METTL16: variants seen among roughly 807,000 people sequenced by gnomAD.
The protein encoded by METTL16 is methyltransferase 16, RNA N6-adenosine.
Under a neutral mutation model 57.9 loss-of-function variants are expected in METTL16, and 19 were observed. The observed-to-expected ratio is 0.33, with a 90% CI of 0.23 to 0.48. The LOEUF is 0.48. Ranked by LOEUF, METTL16 falls within the 20% of genes least tolerant of loss-of-function variation. The probability of loss-of-function intolerance (pLI) is 0.99; values close to 1 mark genes in which losing one functional copy is unlikely to be tolerated. For synonymous variants in METTL16, 246 were observed against 255.6 expected (o/e 0.96, Z 0.36); for missense variants, 434 against 691.5 (o/e 0.63, Z 4.18).
chr17:2,477,485 T>C (rs571257205), intron 3 of METTL16: 31 of 569,390 alleles, frequency 5.4e-5, no homozygotes, highest in Non-Finnish European at 8.8e-5. Flanking sequence ...CCAACGCACA[T>C]TGCCTTTGAG....
chr17:2,435,670 T>C (rs1352796055), intron 8 of METTL16, among the ~76,000 whole-genome samples: 2 of 148,796 alleles, frequency 1.3e-5, no homozygotes, highest in Admixed American at 1.3e-4. Flanking sequence ...GCTGGGGTAG[T>C]GGTGGGGAGG....
chr17:2,467,647 C>A, intron 5 of METTL16, 114 bp downstream of exon 5: 1 of 716,480 alleles, frequency 1.4e-6, no homozygotes. Flanking sequence ...AGGCTGGTCT[C>A]AAACTCCTGA....
chr17:2,454,993 T>C (rs2067099196), intron 6 of METTL16, among the ~76,000 whole-genome samples: 1 of 151,950 alleles, frequency 6.6e-6, no homozygotes, highest in Admixed American at 6.6e-5. Flanking sequence ...CAATCTTGGT[T>C]CACTGCAACC....
At chr17:2,422,519 A>G (rs1221567085) in intron 8 of METTL16, among the ~76,000 whole-genome samples, 1 of 151,810 alleles carries the variant, frequency 6.6e-6, no homozygotes, top group African/African-American at 2.4e-5. Flanking sequence ...ACCTGGGACT[A>G]CGTCACCAAG....
At chr17:2,422,099 G>C (rs1016483139) in intron 8 of METTL16, among the ~76,000 whole-genome samples, 27 of 152,098 alleles carry the variant, frequency 1.8e-4, no homozygotes, top group South Asian at 1.2e-3. Context: ...ATCACTTGAG[G>C]TCAGGAGTTC....
intron 6 of METTL16, among the ~76,000 whole-genome samples, chr17:2,446,161 C>T (rs1161552172): frequency 2.6e-5 from 4 of 152,076 alleles, no homozygotes; most frequent in Non-Finnish European, 5.9e-5. Context: ...ACAAACAAAA[C>T]CCCCAAACCA....
chr17:2,426,994 A>AT (rs1491373682), intron 8 of METTL16, among the ~76,000 whole-genome samples: 1 of 138,744 alleles, frequency 7.2e-6, no homozygotes, highest in Non-Finnish European at 1.6e-5. Context: ...AAAAAAAAAA[A>AT]GAGCCGGGCA....
chr17:2,488,058 A>G (rs2067356870), intron 2 of METTL16, among the ~76,000 whole-genome samples: 1 of 152,014 alleles, frequency 6.6e-6, no homozygotes, highest in Non-Finnish European at 1.5e-5. Flanking sequence ...CACCTTAAAT[A>G]TAGACAATTT....
At chr17:2,430,197 C>G (rs985498620) in intron 8 of METTL16, among the ~76,000 whole-genome samples, 1 of 151,924 alleles carries the variant, frequency 6.6e-6, no homozygotes, top group Non-Finnish European at 1.5e-5. Flanking sequence ...ACTGCAGACT[C>G]AAACTACTGG....
intron 2 of METTL16, among the ~76,000 whole-genome samples, chr17:2,482,196 A>T (rs962768117): frequency 5.3e-5 from 8 of 152,224 alleles, no homozygotes; most frequent in Non-Finnish European, 1.0e-4. Flanking sequence ...GTAAGTCTTC[A>T]CTTAACATTG....
rs1221654093 is a variant in METTL16 at position 2,420,339 on chromosome 17, C to G, written c.1320G>C (p.Glu440Asp). ...TPCGPALREG[E>D]AAAVEGPCPS... The stretch of plus-strand genomic sequence containing the variant: ...GGCACGGGCCCTCCACAGCGGCAGC[C>G]TCGCCTTCCCGCAGAGCAGGCCCAC... The change falls in exon 10 of 10, where the codon GAG (glutamate) becomes GAC (aspartate). Residue 440 changes from glutamate to aspartate, a missense_variant. Glu to Asp is a conservative substitution (Grantham distance 45). Coordinates refer to ENST00000263092, the MANE Select transcript of METTL16 (RefSeq NM_024086.4). This position sits in a 1 kb window ranked among gnomAD's most constrained non-coding sequence, Gnocchi z 5.4. The G allele has an allele frequency of 6.2e-7, 1 of 1,611,734 alleles. No homozygotes were observed. The highest frequency in any genetic ancestry group is 8.5e-7 in the Non-Finnish European group (1 of 1,180,022).
intron 1 of METTL16, among the ~76,000 whole-genome samples, chr17:2,503,747 A>G (rs894637149): frequency 2.6e-5 from 4 of 152,060 alleles, no homozygotes; most frequent in East Asian, 3.9e-4. Flanking sequence ...AACAAAATAC[A>G]GTATATCCAT....
In METTL16 at chr17:2,431,945, A is replaced by AT. The variant is rs11345575; in HGVS notation, c.888+6163dup. ...TCTCAGAAGCTCAATGTGACTCAATATTTTTTTTTTTTCTTTTGAGACTGA... is the reference window on the plus strand; with the variant it reads ...TCTCAGAAGCTCAATGTGACTCAATATTTTTTTTTTTTTCTTTTGAGACTGA... On this transcript the variant is annotated intron_variant, in intron 8 of 9. Coordinates refer to ENST00000263092, the MANE Select transcript of METTL16 (RefSeq NM_024086.4). Among the ~76,000 whole-genome samples the AT allele has an allele frequency of 7.0e-4, 103 of 147,968 alleles. 1 individual carries two copies. The South Asian group carries it at 0.013, about 18-fold the overall frequency.
intron 1 of METTL16, among the ~76,000 whole-genome samples, chr17:2,508,349 T>A (rs751470221): frequency 2.0e-5 from 3 of 152,180 alleles, no homozygotes; most frequent in African/African-American, 4.8e-5. Context: ...CTGCCTACCA[T>A]ATTTCTCACT....
chr17:2,508,795 G>A (rs560396654), intron 1 of METTL16, among the ~76,000 whole-genome samples: 2 of 152,250 alleles, frequency 1.3e-5, no homozygotes, highest in East Asian at 3.9e-4. Flanking sequence ...AGCTAAAAAA[G>A]TCTAAAATCA....
At chr17:2,469,001 G>A (rs1021005640) in intron 4 of METTL16, among the ~76,000 whole-genome samples, 5 of 151,480 alleles carry the variant, frequency 3.3e-5, no homozygotes, top group East Asian at 3.9e-4. Context: ...TCGGGAGGCC[G>A]AGGCAGGTGG....
In METTL16 at chr17:2,491,790, G is replaced by A. The variant is rs1462370345; in HGVS notation, c.128+10414C>T. On this transcript the variant is annotated intron_variant, in intron 2 of 9. Coordinates refer to ENST00000263092, the MANE Select transcript of METTL16 (RefSeq NM_024086.4). ...CTCCGGAGGCTGAGGCAGGAGAATG[G>A]CATGAACCTGGGAGGCAGAGCTTGC... is the stretch of plus-strand genomic sequence containing the variant. 2.1e-5 allele frequency among the ~76,000 whole-genome samples: 3 copies of A among 146,340 alleles called. No homozygotes were observed. The Admixed American group carries it at 2.1e-4, about 10-fold the overall frequency.
chr17:2,469,441 CT>C (rs1297092511), intron 4 of METTL16, among the ~76,000 whole-genome samples: 1 of 152,086 alleles, frequency 6.6e-6, no homozygotes, highest in African/African-American at 2.4e-5. Context: ...ATTAACACTG[CT>C]TTATACACAG....
intron 6 of METTL16, among the ~76,000 whole-genome samples, chr17:2,463,365 TTACAG>T (rs1567894572): frequency 6.6e-6 from 1 of 152,222 alleles, no homozygotes; most frequent in Non-Finnish European, 1.5e-5. Context: ...ATATACATGA[TTACAG>T]TAAACACTAA....
Sources: allele counts gnomAD v4.1 joint callset (sites outside exome capture counted in the v4.1 genomes callset), GRCh38; gene constraint gnomAD v4.1.1; non-coding constraint Gnocchi (gnomAD v3.1); transcripts MANE v1.5; gene names NCBI Gene and HGNC (gene_info 2026-07-23, HGNC 2026-07-21).